RYR3: variants seen among roughly 807,000 people sequenced by gnomAD.
RYR3 encodes ryanodine receptor 3.
Under a neutral mutation model 584.3 loss-of-function variants are expected in RYR3, and 207 were observed. That is an observed-to-expected ratio of 0.35 (90% CI 0.32 to 0.40). The LOEUF (loss-of-function observed/expected upper bound fraction) is 0.40. Among genes scored for constraint, RYR3 ranks in the 10% least tolerant of loss-of-function variants. The pLI, the probability that RYR3 is intolerant of heterozygous loss-of-function variation, is 1.00. For synonymous variants in RYR3, 2,416 were observed against 2,248.5 expected (o/e 1.07, Z -2.11); for missense variants, 5,616 against 6,089.2 (o/e 0.92, Z 2.59).
Position 33,376,027 on chromosome 15 carries a change from G to A in RYR3, c.51+64931G>A, listed in dbSNP as rs145912371. Among the ~76,000 whole-genome samples the A allele has an allele frequency of 2.6e-3, 397 of 152,288 alleles. 2 individuals carry two copies. Among genetic ancestry groups the A allele is most frequent in the African/African-American group, 8.7e-3 (360 of 41,566 alleles). On this transcript the variant is annotated intron_variant, in intron 1 of 103. Coordinates refer to ENST00000634891, the MANE Select transcript of RYR3 (RefSeq NM_001036.6). ...TACAGTGAGCCGAGATCGCGCCACT[G>A]CACTCCAGCCTGGGGAACAGAGTGC... is the stretch of plus-strand genomic sequence containing the variant.
intron 75 of RYR3, 51 bp downstream of exon 75, chr15:33,817,009 T>A: frequency 3.6e-6 from 4 of 1,101,580 alleles, no homozygotes; most frequent in Non-Finnish European, 5.4e-6. Flanking sequence ...GAATTTGATT[T>A]TCGAATTCAT....
In RYR3 at chr15:33,785,848, A is replaced by C; in HGVS notation, c.9455A>C (p.Asn3152Thr). The change falls in exon 66 of 104, where the codon AAC becomes ACC. Residue 3152 changes from asparagine (N) to threonine (T), a missense_variant. By Grantham distance (65) the Asn-to-Thr change is moderately conservative. This residue lies in a region of RYR3 where 954 missense variants were observed against 1,132.2 expected (regional missense o/e 0.84). Transcript: ENST00000634891. ...LSYWWERGPE[N>T]LPPSTGPCCT... ...TACTGGTGGGAGCGGGGTCCTGAGAACCTGCCCCCCAGCACAGGGCCATGC... is the reference window on the plus strand; with the variant it reads ...TACTGGTGGGAGCGGGGTCCTGAGACCCTGCCCCCCAGCACAGGGCCATGC... 6.2e-7 allele frequency: 1 copy of C among 1,613,824 alleles called. No individual in the cohort carries two copies. The highest frequency in any genetic ancestry group is 1.1e-5 in the South Asian group (1 of 91,058).
intron 1 of RYR3, among the ~76,000 whole-genome samples, chr15:33,323,180 C>T (rs1449482264): frequency 6.6e-6 from 1 of 152,094 alleles, no homozygotes; most frequent in African/African-American, 2.4e-5. Flanking sequence ...GGCACGATCT[C>T]TGCTCACTGC....
At chr15:33,556,157 G>A (rs1405225975) in intron 10 of RYR3, among the ~76,000 whole-genome samples, 5 of 152,050 alleles carry the variant, frequency 3.3e-5, no homozygotes, top group African/African-American at 4.8e-5. Flanking sequence ...GTCCTGTATT[G>A]TAAAAGGTAC....
At chr15:33,500,881 T>C (rs1297499014) in intron 2 of RYR3, among the ~76,000 whole-genome samples, 1 of 152,230 alleles carries the variant, frequency 6.6e-6, no homozygotes, top group African/African-American at 2.4e-5. Context: ...GATGGCTCTG[T>C]GCTCCATTCA....
intron 1 of RYR3, among the ~76,000 whole-genome samples, chr15:33,322,369 A>T (rs562137076): frequency 6.6e-6 from 1 of 152,202 alleles, no homozygotes; most frequent in Non-Finnish European, 1.5e-5. Context: ...AGGGAGCGGC[A>T]GGGGGAGGTG....
At chr15:33,590,073 T>G (rs1004506599) in intron 16 of RYR3, among the ~76,000 whole-genome samples, 1 of 151,840 alleles carries the variant, frequency 6.6e-6, no homozygotes, top group Admixed American at 6.6e-5. Context: ...CAAAGGGGGT[T>G]GTTCTCTTGT....
chr15:33,562,398 T>TA (rs1218304661), intron 10 of RYR3, among the ~76,000 whole-genome samples: 2 of 152,210 alleles, frequency 1.3e-5, no homozygotes, highest in African/African-American at 2.4e-5. Flanking sequence ...AATCAATAGA[T>TA]ATGATGAAAG....
In RYR3 at chr15:33,769,134, G is replaced by A; in HGVS notation, c.8778G>A (p.Val2926=). The change falls in exon 62 of 104, where the codon GTG becomes GTA. Residue 2926 remains valine, a synonymous_variant. Transcript: ENST00000634891. ...CAGGTAGTGATTCTACTACAATGGT[G>A]AGCTGTCTTCACATCTTAGCTCAGA... is the stretch of plus-strand genomic sequence containing the variant. ...SLFGSDSTTM[V]SCLHILAQTL... 1 of 1,613,506 alleles carries A rather than the reference G, an allele frequency of 6.2e-7. No individual in the cohort carries two copies. Among genetic ancestry groups the A allele is most frequent in the Non-Finnish European group, 8.5e-7 (1 of 1,179,522 alleles).
At chr15:33,353,215 G>A (rs11630683) in intron 1 of RYR3, among the ~76,000 whole-genome samples, 48,204 of 152,016 alleles carry the variant, frequency 0.32, 8,583 homozygotes, top group East Asian at 0.45. Flanking sequence ...TTTTTGCCTT[G>A]GTAAGATATT....
chr15:33,747,506 G>A (rs1338828779), intron 53 of RYR3, among the ~76,000 whole-genome samples: 2 of 140,294 alleles, frequency 1.4e-5, no homozygotes, highest in Non-Finnish European at 3.0e-5. Context: ...CTCAGTGCAA[G>A]CTTCATCTCC....
intron 1 of RYR3, among the ~76,000 whole-genome samples, chr15:33,376,489 C>G (rs1337151461): frequency 6.6e-6 from 1 of 152,148 alleles, no homozygotes; most frequent in Non-Finnish European, 1.5e-5. Context: ...AAATTTGTCT[C>G]AAATTGAGGC....
Position 33,503,572 on chromosome 15 carries a change from G to A in RYR3, c.172-59G>A, listed in dbSNP as rs1277698589. 4 of 987,988 alleles carry A rather than the reference G, an allele frequency of 4.0e-6. No homozygotes were observed. The South Asian group carries it at 4.3e-5, about 10-fold the overall frequency. The allele number at this position is 987,988 out of a possible 1,614,324, so 61.2% of individuals were successfully genotyped here. A position where few individuals can be genotyped will look rare whatever the true frequency, so the allele number is the denominator to read the frequency against. The stretch of plus-strand genomic sequence containing the variant: ...GGCTCTTTGCCCTTGAGATGTTGTT[G>A]CGTGACTGATCTCTGACTGATATGA... On this transcript the variant is annotated intron_variant, in intron 2 of 103. Coordinates refer to ENST00000634891, the MANE Select transcript of RYR3 (RefSeq NM_001036.6).
chr15:33,494,944 A>C (rs75544202), intron 2 of RYR3, among the ~76,000 whole-genome samples: 2,981 of 152,350 alleles, frequency 0.02, 78 homozygotes, highest in African/African-American at 0.068. Context: ...ATACACATTT[A>C]AAATCACACA....
At chr15:33,493,824 A>G (rs2051180773) in intron 2 of RYR3, among the ~76,000 whole-genome samples, 1 of 152,214 alleles carries the variant, frequency 6.6e-6, no homozygotes. Context: ...GGCACACACT[A>G]GTAGTCCCAG....
chr15:33,572,668 C>CAT (rs2058091200), intron 12 of RYR3, among the ~76,000 whole-genome samples: 1 of 133,850 alleles, frequency 7.5e-6, no homozygotes, highest in Non-Finnish European at 1.7e-5. Context: ...TACACACACA[C>CAT]ACACACACAC....
At chr15:33,737,650 G>A (rs960443148) in intron 49 of RYR3, among the ~76,000 whole-genome samples, 2 of 152,124 alleles carry the variant, frequency 1.3e-5, no homozygotes, top group Non-Finnish European at 2.9e-5. Context: ...CTCTCTAGCA[G>A]CCCCAGTTTT....
chr15:33,429,173 A>C (rs563589141), intron 1 of RYR3, among the ~76,000 whole-genome samples: 1 of 152,278 alleles, frequency 6.6e-6, no homozygotes, highest in African/African-American at 2.4e-5. Flanking sequence ...GGATCTTTCA[A>C]CTGTGTCTGA....
At chr15:33,795,309 A>T (rs998862225) in intron 67 of RYR3, among the ~76,000 whole-genome samples, 1 of 151,898 alleles carries the variant, frequency 6.6e-6, no homozygotes, top group African/African-American at 2.4e-5. Flanking sequence ...TCAGTGGGGG[A>T]CACATAAGTG....
Sources: allele counts gnomAD v4.1 joint callset (sites outside exome capture counted in the v4.1 genomes callset), GRCh38; gene constraint gnomAD v4.1.1; regional missense constraint gnomAD v4.1.1; transcripts MANE v1.5; gene names NCBI Gene and HGNC (gene_info 2026-07-23, HGNC 2026-07-21).